The following PAQR5 variants were observed in gnomAD, a reference collection of about 807,000 sequenced individuals.
The protein encoded by PAQR5 is membrane progestin receptor gamma.
A neutral mutation model predicts 34.5 loss-of-function variants in PAQR5; 20 were observed. That is an observed-to-expected ratio of 0.58 (90% CI 0.41 to 0.84). The LOEUF is 0.84. Among genes scored for constraint, PAQR5 ranks in the 40% least tolerant of loss-of-function variants. The pLI is 0.00. For synonymous variants in PAQR5, 131 were observed against 155.6 expected, an observed-to-expected ratio of 0.84 and a Z score of 1.18; for missense variants, 378 against 412.7, an observed-to-expected ratio of 0.92 and a Z score of 0.73.
At chr15:69,316,108 G>A (rs1293777560) in intron 1 of PAQR5, among the ~76,000 whole-genome samples, 3 of 152,084 alleles carry the variant, frequency 2.0e-5, no homozygotes, top group Non-Finnish European at 4.4e-5. Context: ...TTGAAACAGA[G>A]TCTCCCTCTG....
At chr15:69,394,797 T>C (rs936025159) in intron 6 of PAQR5, among the ~76,000 whole-genome samples, 1 of 152,242 alleles carries the variant, frequency 6.6e-6, no homozygotes, top group Non-Finnish European at 1.5e-5. Flanking sequence ...TCGCGTGGCC[T>C]AATGCGGAAC....
At chr15:69,328,521 G>A (rs770783493) in intron 1 of PAQR5, among the ~76,000 whole-genome samples, 4 of 152,220 alleles carry the variant, frequency 2.6e-5, no homozygotes, top group Non-Finnish European at 4.4e-5. Context: ...GGCTGACTGT[G>A]GGCTGGGCCC....
In PAQR5 at chr15:69,382,140, T is replaced by C. The variant is rs1034829595; in HGVS notation, c.179+2130T>C. Among the ~76,000 whole-genome samples the C allele has an allele frequency of 2.2e-4, 33 of 152,244 alleles. 1 individual carries two copies. Among genetic ancestry groups the C allele is most frequent in the Admixed American group, 2.1e-3 (32 of 15,292 alleles). ...AGGAGGAGGGAGAAAATAGTTCTCT[T>C]GGCCTCGGCTTGCAAGGCTCCACCT... On this transcript the variant is annotated intron_variant, in intron 4 of 8. Transcript: ENST00000395407.
chr15:69,339,340 G>A (rs2054586765), intron 2 of PAQR5, among the ~76,000 whole-genome samples: 1 of 152,108 alleles, frequency 6.6e-6, no homozygotes, highest in Non-Finnish European at 1.5e-5. Flanking sequence ...GTCTAGGCGT[G>A]GACAAGGTGA....
At chr15:69,326,722 C>G (rs112055489) in intron 1 of PAQR5, among the ~76,000 whole-genome samples, 2,385 of 152,280 alleles carry the variant, frequency 0.016, 66 homozygotes, top group African/African-American at 0.053. Context: ...CAGGCGTGAG[C>G]CACCGCACCT....
chr15:69,339,415 C>A (rs545865042), intron 2 of PAQR5, among the ~76,000 whole-genome samples: 1 of 152,100 alleles, frequency 6.6e-6, no homozygotes, highest in Admixed American at 6.6e-5. Context: ...GGGTACCTGG[C>A]GGCCTTAGTC....
At chr15:69,402,032 C>A (rs1270297676) in intron 8 of PAQR5, among the ~76,000 whole-genome samples, 3 of 152,136 alleles carry the variant, frequency 2.0e-5, no homozygotes, top group East Asian at 1.9e-4. Flanking sequence ...CCATGCCCAG[C>A]CTTTTTATTT....
Position 69,301,859 on chromosome 15 carries a change from A to ATTTTTTTTTTTTTTTTTTTTTT in PAQR5, c.-277+2819_-277+2840dup, listed in dbSNP as rs71149903. Among the ~76,000 whole-genome samples the ATTTTTTTTTTTTTTTTTTTTTT allele has an allele frequency of 4.0e-5, 4 of 98,870 alleles. 1 individual carries two copies. The highest frequency in any genetic ancestry group is 7.2e-5 in the Non-Finnish European group (4 of 55,912). The allele number at this position is 98,870 out of a possible 152,430, so 64.9% of individuals were successfully genotyped here. A position where few individuals can be genotyped will look rare whatever the true frequency, so the allele number is the denominator to read the frequency against. On this transcript the variant is annotated intron_variant, in intron 1 of 8. Coordinates refer to ENST00000395407, the MANE Select transcript of PAQR5 (RefSeq NM_017705.4). ...GTGAATTCATAAGAAATGGGGGGAG[A>ATTTTTTTTTTTTTTTTTTTTTT]TTTTTTTTTTTTTTTTTTTTTTTTT...
intron 3 of PAQR5, among the ~76,000 whole-genome samples, chr15:69,364,343 T>C (rs2055324497): frequency 6.6e-6 from 1 of 151,426 alleles, no homozygotes; most frequent in South Asian, 2.1e-4. Context: ...GCTCGGTGGG[T>C]CACACCTGTA....
intron 1 of PAQR5, among the ~76,000 whole-genome samples, chr15:69,332,224 TGGAG>T (rs979037651): frequency 1.3e-5 from 2 of 152,284 alleles, no homozygotes; most frequent in Non-Finnish European, 1.5e-5. Context: ...TGTTCTGTAA[TGGAG>T]AGAGGGGTAT....
At chr15:69,304,582 A>G (rs151092596) in intron 1 of PAQR5, among the ~76,000 whole-genome samples, 1 of 152,216 alleles carries the variant, frequency 6.6e-6, no homozygotes, top group African/African-American at 2.4e-5. Flanking sequence ...ATTCTCACCC[A>G]TGCCCTGTCC....
At chr15:69,394,672 C>A (rs2056365566) in intron 6 of PAQR5, among the ~76,000 whole-genome samples, 1 of 152,190 alleles carries the variant, frequency 6.6e-6, no homozygotes, top group Non-Finnish European at 1.5e-5. Context: ...CTATAGCAGC[C>A]CCTTAGCCCT....
chr15:69,314,882 A>AGAC (rs1299362407), intron 1 of PAQR5: 2 of 153,852 alleles, frequency 1.3e-5, no homozygotes, highest in African/African-American at 4.8e-5. Context: ...CTAGGGGGTT[A>AGAC]GACGACTCCT....
chr15:69,383,601 TG>T (rs2055997105), intron 4 of PAQR5, among the ~76,000 whole-genome samples: 1 of 119,970 alleles, frequency 8.3e-6, no homozygotes, highest in African/African-American at 3.4e-5. Context: ...GGAGGGTGAG[TG>T]GGCCTTTGTG....
chr15:69,345,673 ACT>A (rs2054751321), intron 2 of PAQR5, among the ~76,000 whole-genome samples: 1 of 151,732 alleles, frequency 6.6e-6, no homozygotes, highest in Non-Finnish European at 1.5e-5. Flanking sequence ...TTAAACACAC[ACT>A]CTCTTTTTGT....
intron 1 of PAQR5, among the ~76,000 whole-genome samples, chr15:69,325,826 A>T (rs2054238388): frequency 6.6e-6 from 1 of 152,156 alleles, no homozygotes; most frequent in Non-Finnish European, 1.5e-5. Context: ...TTCTACGCAC[A>T]GCCATCTGCC....
chr15:69,327,904 G>A (rs146596232), intron 1 of PAQR5, among the ~76,000 whole-genome samples: 305 of 152,068 alleles, frequency 2.0e-3, no homozygotes, highest in African/African-American at 7.1e-3. Context: ...TCAGCCTCCC[G>A]AGTAGTTGGG....
At chr15:69,348,845 C>T (rs2054839258) in intron 2 of PAQR5, among the ~76,000 whole-genome samples, 1 of 152,198 alleles carries the variant, frequency 6.6e-6, no homozygotes, top group Admixed American at 6.5e-5. Context: ...CACAGGGATT[C>T]ACTGCCCAGG....
chr15:69,385,655 A>G lies in PAQR5; in HGVS notation c.385+773A>G, dbSNP rs1413618871. Among the ~76,000 whole-genome samples the G allele has an allele frequency of 2.0e-5, 3 of 152,062 alleles. No individual in the cohort carries two copies. The highest frequency in any genetic ancestry group is 4.4e-5 in the Non-Finnish European group (3 of 68,012). ...AGATTCTTCCTCCAGGTCCCATTCT[A>G]GGTGAGAAAACCAATTATTGTCTTC... On this transcript the variant is annotated intron_variant, in intron 5 of 8. Coordinates refer to ENST00000395407, the MANE Select transcript of PAQR5 (RefSeq NM_017705.4). This position sits in a 1 kb window ranked among gnomAD's most constrained non-coding sequence, Gnocchi z 4.7.
Sources: allele counts gnomAD v4.1 joint callset (sites outside exome capture counted in the v4.1 genomes callset), GRCh38; gene constraint gnomAD v4.1.1; non-coding constraint Gnocchi (gnomAD v3.1); transcripts MANE v1.5; gene names NCBI Gene and HGNC (gene_info 2026-07-23, HGNC 2026-07-21).